Variants in ATF7IP2 observed in about 807,000 individuals in gnomAD.
ATF7IP2 encodes the protein activating transcription factor 7-interacting protein 2.
ATF7IP2 carries 42 observed loss-of-function variants against 64.2 expected under a neutral mutation model. The ratio of observed to expected loss-of-function variants is 0.65; its 90% CI spans 0.51 to 0.85. ATF7IP2 has a LOEUF of 0.85. Ranked by LOEUF, ATF7IP2 falls within the 40% of genes least tolerant of loss-of-function variation. The pLI is 0.00. For missense variants in ATF7IP2, 933 were observed against 784.2 expected (o/e 1.19, Z -2.27); for synonymous variants, 308 against 272.8 (o/e 1.13, Z -1.27).
chr16:10,477,119 G>A (rs945614223), intron 12 of ATF7IP2, among the ~76,000 whole-genome samples: 1 of 152,186 alleles, frequency 6.6e-6, no homozygotes, highest in African/African-American at 2.4e-5. Context: ...TAAAGAGCCT[G>A]TATACAGCAG....
At chr16:10,429,181 T>G (rs1177898879) in intron 4 of ATF7IP2, among the ~76,000 whole-genome samples, 165 bp downstream of exon 4, 1 of 152,226 alleles carries the variant, frequency 6.6e-6, no homozygotes, top group Non-Finnish European at 1.5e-5. Flanking sequence ...GAGGAAAGAT[T>G]TGATTTGTTC....
chr16:10,430,834 A>G lies in ATF7IP2; in HGVS notation c.214A>G (p.Asn72Asp), dbSNP rs2048222001. The G allele has an allele frequency of 6.2e-7, 1 of 1,613,916 alleles. No individual in the cohort carries two copies. The highest frequency in any genetic ancestry group is 1.7e-5 in the Admixed American group (1 of 60,004). Reference sequence around the variant, plus strand: ...AATAACCAAATGTAGCCCTTCTGAAAATGGTGCATCCTCATTGGACTCTAA... The same window carrying G: ...AATAACCAAATGTAGCCCTTCTGAAGATGGTGCATCCTCATTGGACTCTAA... ...TEITKCSPSE[N>D]GASSLDSNKN... The change falls in exon 5 of 14, where the codon AAT becomes GAT. Residue 72 changes from asparagine (N) to aspartate (D), a missense_variant. Physicochemically the swap from Asn to Asp is conservative, Grantham distance 23. Coordinates refer to ENST00000562102, the MANE Select transcript of ATF7IP2 (RefSeq NM_001393719.1).
At position 10,457,533 on chromosome 16, in the gene ATF7IP2, G is replaced by T; in HGVS notation, c.1352+4G>T. The T allele has an allele frequency of 1.3e-6, 2 of 1,541,450 alleles. No homozygotes were observed. The highest frequency in any genetic ancestry group is 2.3e-5 in the East Asian group (1 of 42,718). On this transcript the variant is annotated splice_donor_region_variant and intron_variant, in intron 9 of 13. Transcript: ENST00000562102. Reference sequence around the variant, plus strand: ...AAAATAAGTCTGTTTCTGAAAGGTAGGTGTTTCTGCAAAAATGCATAAATT... The same window carrying T: ...AAAATAAGTCTGTTTCTGAAAGGTATGTGTTTCTGCAAAAATGCATAAATT...
intron 12 of ATF7IP2, among the ~76,000 whole-genome samples, chr16:10,475,383 A>G (rs1188601069): frequency 1.3e-5 from 2 of 152,196 alleles, no homozygotes; most frequent in East Asian, 3.8e-4. Context: ...AGTGGAGATA[A>G]AAAGGAATTT....
intron 3 of ATF7IP2, among the ~76,000 whole-genome samples, chr16:10,422,217 A>G (rs1453017840): frequency 6.6e-6 from 1 of 152,218 alleles, no homozygotes; most frequent in Admixed American, 6.5e-5. Context: ...AAATTGGCTT[A>G]TCTGTTAACC....
chr16:10,457,886 A>AT (rs2049236012), intron 9 of ATF7IP2, among the ~76,000 whole-genome samples: 1 of 151,878 alleles, frequency 6.6e-6, no homozygotes, highest in African/African-American at 2.4e-5. Context: ...AATTTTTTAT[A>AT]TTTTTTGTAG....
intron 1 of ATF7IP2, among the ~76,000 whole-genome samples, chr16:10,397,612 C>T (rs550569471): frequency 1.3e-4 from 20 of 152,214 alleles, no homozygotes; most frequent in African/African-American, 4.6e-4. Flanking sequence ...CGTGGTGGCT[C>T]ATGCCTACAA....
chr16:10,442,985 C>T (rs1051750630), intron 8 of ATF7IP2, among the ~76,000 whole-genome samples: 8 of 152,134 alleles, frequency 5.3e-5, no homozygotes, highest in Admixed American at 3.3e-4. Flanking sequence ...TCTATATAAA[C>T]GTGAGAATCA....
At chr16:10,447,722 T>A (rs2048856409) in intron 8 of ATF7IP2, 1 of 152,244 alleles carries the variant, frequency 6.6e-6, no homozygotes, top group African/African-American at 2.4e-5. Flanking sequence ...GGAAGTTTAT[T>A]GTTTGTACCT....
chr16:10,429,617 A>G (rs1209970874), intron 4 of ATF7IP2, among the ~76,000 whole-genome samples: 2 of 152,004 alleles, frequency 1.3e-5, no homozygotes, highest in African/African-American at 2.4e-5. Context: ...CCAAAGTGCT[A>G]GGATTACAGG....
chr16:10,408,920 A>G (rs994714361), intron 1 of ATF7IP2, among the ~76,000 whole-genome samples: 3 of 152,164 alleles, frequency 2.0e-5, no homozygotes, highest in African/African-American at 7.2e-5. Flanking sequence ...TGCCTAAGTC[A>G]ATGTCTATGT....
intron 1 of ATF7IP2, among the ~76,000 whole-genome samples, chr16:10,404,650 C>G (rs1187800449): frequency 1.3e-5 from 2 of 152,130 alleles, no homozygotes; most frequent in Non-Finnish European, 2.9e-5. Context: ...TTAAGCAGTT[C>G]TCATGCCACT....
intron 9 of ATF7IP2, among the ~76,000 whole-genome samples, chr16:10,461,604 C>G (rs973122581): frequency 3.9e-5 from 6 of 152,024 alleles, no homozygotes; most frequent in African/African-American, 1.2e-4. Context: ...TCATATGATT[C>G]CATTTAAATG....
chr16:10,393,614 G>A (rs757635496), intron 1 of ATF7IP2, among the ~76,000 whole-genome samples: 7 of 152,112 alleles, frequency 4.6e-5, no homozygotes, highest in Non-Finnish European at 8.8e-5. Context: ...CATGTTTAAG[G>A]TAGGCTTAGG....
rs567862337 is a variant in ATF7IP2, at chr16:10,437,477, T to C, written c.961-624T>C. Reference sequence around the variant, plus strand: ...ACTTCTTTCATATCAATTCAGTGTTTTTTATTTTATGGTGCTCTTTTGCGT... The same window carrying C: ...ACTTCTTTCATATCAATTCAGTGTTCTTTATTTTATGGTGCTCTTTTGCGT... On this transcript the variant is annotated intron_variant, in intron 6 of 13. Transcript: ENST00000562102. Among the ~76,000 whole-genome samples, 34 of 152,352 alleles carry C rather than the reference T, an allele frequency of 2.2e-4. No individual in the cohort carries two copies. In the South Asian group the frequency reaches 4.8e-3, roughly 21 times the overall value.
intron 1 of ATF7IP2, among the ~76,000 whole-genome samples, chr16:10,392,931 A>G (rs1279734563): frequency 6.6e-6 from 1 of 152,050 alleles, no homozygotes; most frequent in Non-Finnish European, 1.5e-5. Flanking sequence ...GGCTGCAGTA[A>G]GCTGTGTTCA....
At chr16:10,472,239 G>A in intron 10 of ATF7IP2, 56 bp downstream of exon 10, 1 of 869,106 alleles carries the variant, frequency 1.2e-6, no homozygotes, top group Non-Finnish European at 1.7e-6. Flanking sequence ...TTAAATCAAT[G>A]TTTGCTTTAA....
rs2047564056 is a variant in ATF7IP2 at position 10,402,926 on chromosome 16, T to C, written c.-241-11648T>C. On this transcript the variant is annotated intron_variant, in intron 1 of 13. Coordinates refer to ENST00000562102, the MANE Select transcript of ATF7IP2 (RefSeq NM_001393719.1). ...CTTTCTCAAAAAAAAAAAAAAATGT[T>C]GAGTCTTGTTTTGTGGTCTAATGGT... 2.6e-5 allele frequency among the ~76,000 whole-genome samples: 4 copies of C among 151,262 alleles called. No homozygotes were observed. The East Asian group carries it at 7.8e-4, about 29-fold the overall frequency.
At chr16:10,401,277 C>G (rs1033081061) in intron 1 of ATF7IP2, among the ~76,000 whole-genome samples, 2 of 152,124 alleles carry the variant, frequency 1.3e-5, no homozygotes, top group Admixed American at 6.5e-5. Flanking sequence ...AAGCGATTCT[C>G]CTGCCCCAGC....
Sources: gnomAD v4.1 joint callset for allele counts (sites outside exome capture counted in the v4.1 genomes callset) on GRCh38, gnomAD v4.1.1 for gene constraint, MANE v1.5 for transcripts, NCBI Gene and HGNC (gene_info 2026-07-23, HGNC 2026-07-21) for gene names.